PLEKHG1: variants seen among roughly 807,000 people sequenced by gnomAD.
The protein encoded by PLEKHG1 is pleckstrin homology domain-containing family G member 1.
In PLEKHG1, 44 loss-of-function variants were observed where a neutral mutation model predicts 100.8. The ratio of observed to expected loss-of-function variants is 0.44; its 90% CI spans 0.34 to 0.56. The LOEUF (loss-of-function observed/expected upper bound fraction) is 0.56. PLEKHG1 is among the 20% of genes least tolerant of loss of function. The pLI is 0.01. For missense variants in PLEKHG1, 1,545 were observed against 1,720.9 expected (o/e 0.90, Z 1.81); for synonymous variants, 640 against 662.5 (o/e 0.97, Z 0.52).
intron 2 of PLEKHG1, among the ~76,000 whole-genome samples, chr6:150,742,620 C>T (rs1782939439): frequency 1.3e-5 from 2 of 148,358 alleles, no homozygotes; most frequent in South Asian, 4.3e-4. Flanking sequence ...GCACACTCAA[C>T]CAGATCTTAC....
At chr6:150,676,383 T>C (rs905622955) in intron 3 of PLEKHG1, among the ~76,000 whole-genome samples, 1 of 152,254 alleles carries the variant, frequency 6.6e-6, no homozygotes, top group African/African-American at 2.4e-5. Context: ...GGAAACATTT[T>C]ACACCTATCA....
At chr6:150,697,731 CAG>C (rs1462927636) in intron 3 of PLEKHG1, among the ~76,000 whole-genome samples, 2 of 152,204 alleles carry the variant, frequency 1.3e-5, no homozygotes, top group Admixed American at 6.5e-5. Context: ...AAGATTGACA[CAG>C]ACAGTCCCAT....
At chr6:150,772,767 CTGTATTTTGCCAAT>C (rs1335517387) in intron 3 of PLEKHG1, among the ~76,000 whole-genome samples, 1 of 152,204 alleles carries the variant, frequency 6.6e-6, no homozygotes, top group East Asian at 1.9e-4. Context: ...TGATCTATCT[CTGTATTTTGCCAAT>C]TGCGTTAAGA....
intron 1 of PLEKHG1, among the ~76,000 whole-genome samples, chr6:150,601,905 C>T (rs1004110912): frequency 5.9e-5 from 9 of 152,144 alleles, no homozygotes; most frequent in African/African-American, 2.2e-4. Flanking sequence ...TCCTTCAATG[C>T]CTTTAATATA....
intron 1 of PLEKHG1, among the ~76,000 whole-genome samples, chr6:150,721,924 T>C (rs1021474452): frequency 2.0e-5 from 3 of 152,188 alleles, no homozygotes; most frequent in African/African-American, 7.2e-5. Flanking sequence ...TAATTTAAAA[T>C]ATTTAGATAT....
At position 150,768,748 on chromosome 6, in the gene PLEKHG1, T is replaced by A; in HGVS notation, c.512+10T>A. Reference sequence around the variant, plus strand: ...TCTACCACTTCAATAGGTAAGTTAATATTCAAAAGATTGTTCTCACATACG... The same window carrying A: ...TCTACCACTTCAATAGGTAAGTTAAAATTCAAAAGATTGTTCTCACATACG... On this transcript the variant is annotated intron_variant, in intron 3 of 15. Transcript: ENST00000358517. 7.0e-7 allele frequency: 1 copy of A among 1,423,588 alleles called. No individual in the cohort carries two copies. Among genetic ancestry groups the A allele is most frequent in the Non-Finnish European group, 9.9e-7 (1 of 1,006,736 alleles). The allele number at this position is 1,423,588 out of a possible 1,614,324, so 88.2% of individuals were successfully genotyped here. A position where few individuals can be genotyped will look rare whatever the true frequency, so the allele number is the denominator to read the frequency against.
intron 3 of PLEKHG1, among the ~76,000 whole-genome samples, chr6:150,715,636 CG>C (rs1422000201): frequency 1.3e-5 from 2 of 150,872 alleles, no homozygotes; most frequent in Non-Finnish European, 3.0e-5. Context: ...TACAGGCATG[CG>C]CCACCACGCC....
At chr6:150,622,657 A>G (rs1477034141) in intron 1 of PLEKHG1, among the ~76,000 whole-genome samples, 1 of 152,150 alleles carries the variant, frequency 6.6e-6, no homozygotes, top group African/African-American at 2.4e-5. Flanking sequence ...CGGATCCCCT[A>G]ATCACCTCCA....
rs112756390 is a variant in PLEKHG1, at chr6:150,640,596, T to A, written c.-158+2471T>A. Among the ~76,000 whole-genome samples, 1,001 of 152,278 alleles carry A rather than the reference T, an allele frequency of 6.6e-3. 15 individuals carry two copies. Among genetic ancestry groups the A allele is most frequent in the African/African-American group, 0.023 (942 of 41,548 alleles). ...ATCCGGACTCTCCCACGCAAAACCC[T>A]GCTTGGAATACCCACACCACGCTAG... On this transcript the variant is annotated intron_variant, in intron 2 of 3. Transcript: ENST00000367326.
intron 14 of PLEKHG1, among the ~76,000 whole-genome samples, chr6:150,826,137 G>A (rs1224352417): frequency 2.0e-5 from 3 of 152,060 alleles, no homozygotes; most frequent in African/African-American, 4.8e-5. Flanking sequence ...AGCTGAAATC[G>A]TGCCATTGCA....
At chr6:150,796,952 A>G (rs779972792) in intron 5 of PLEKHG1, among the ~76,000 whole-genome samples, 7 of 151,988 alleles carry the variant, frequency 4.6e-5, no homozygotes, top group Non-Finnish European at 1.0e-4. Context: ...TTTTTTCCAC[A>G]TGATTAGCAG....
In PLEKHG1 at chr6:150,656,336, A is replaced by G. The variant is rs1394327359; in HGVS notation, c.-99+5550A>G. Among the ~76,000 whole-genome samples the G allele has an allele frequency of 2.6e-5, 4 of 152,324 alleles. No homozygotes were observed. The East Asian group carries it at 7.7e-4, about 29-fold the overall frequency. ...TGACCTTTGGAACGAGGAAGGAAGT[A>G]GCTCCTGTTCCTGTCCTTGGAACTA... On this transcript the variant is annotated intron_variant, in intron 3 of 3. Coordinates refer to the PLEKHG1 transcript ENST00000367326.
At position 150,611,252 on chromosome 6, in the gene PLEKHG1, T is replaced by C. The variant is rs373697360; in HGVS notation, c.-204+11235T>C. On this transcript the variant is annotated intron_variant, in intron 1 of 3. Transcript: ENST00000367326. The stretch of plus-strand genomic sequence containing the variant: ...TTCTGAATGAAAACCTTACTTCTGG[T>C]TTACCAGCTTAGAAATGAAAAAACA... 2.7e-4 allele frequency among the ~76,000 whole-genome samples: 41 copies of C among 152,360 alleles called. 2 individuals are homozygous for C. In the South Asian group the frequency reaches 8.5e-3, roughly 32 times the overall value.
chr6:150,715,184 AT>A (rs1562455992), intron 3 of PLEKHG1, among the ~76,000 whole-genome samples: 3 of 152,134 alleles, frequency 2.0e-5, no homozygotes, highest in African/African-American at 2.4e-5. Context: ...TTTAGAAATA[AT>A]TTTTTTTAAA....
At chr6:150,674,627 TCCTC>T (rs1554258816) in intron 3 of PLEKHG1, among the ~76,000 whole-genome samples, 1,087 of 60,042 alleles carry the variant, frequency 0.018, 88 homozygotes, top group African/African-American at 0.029. Context: ...TTTCTCTCTC[TCCTC>T]CCTCTCTCTC....
intron 1 of PLEKHG1, among the ~76,000 whole-genome samples, chr6:150,622,056 C>T (rs1257225319): frequency 2.0e-5 from 3 of 152,114 alleles, no homozygotes; most frequent in Non-Finnish European, 4.4e-5. Context: ...TTTCCTCCTC[C>T]GAGAGCTCTG....
chr6:150,619,274 C>A (rs1335888259), intron 1 of PLEKHG1, among the ~76,000 whole-genome samples: 1 of 152,138 alleles, frequency 6.6e-6, no homozygotes, highest in Non-Finnish European at 1.5e-5. Context: ...GTCTCCTTTG[C>A]ACTTTAGCAC....
At chr6:150,757,190 C>A (rs912520176) in intron 2 of PLEKHG1, among the ~76,000 whole-genome samples, 1 of 152,020 alleles carries the variant, frequency 6.6e-6, no homozygotes, top group East Asian at 1.9e-4. Context: ...TTAGTAGAGA[C>A]GGGGTTTTAC....
At chr6:150,805,337 T>G (rs1273873568) in intron 7 of PLEKHG1, among the ~76,000 whole-genome samples, 2 of 152,232 alleles carry the variant, frequency 1.3e-5, no homozygotes, top group Non-Finnish European at 2.9e-5. Context: ...TTAGTAATTC[T>G]TATTGAAAGC....
Sources: gnomAD v4.1 joint callset for allele counts (sites outside exome capture counted in the v4.1 genomes callset) on GRCh38, gnomAD v4.1.1 for gene constraint, MANE v1.5 for transcripts, NCBI Gene and HGNC (gene_info 2026-07-23, HGNC 2026-07-21) for gene names.